ERC1: variants seen among roughly 807,000 people sequenced by gnomAD.
The protein encoded by ERC1 is RAB6 interacting protein 2.
A neutral mutation model predicts 132.0 loss-of-function variants in ERC1; 56 were observed. The observed-to-expected ratio is 0.42, with a 90% CI of 0.34 to 0.53. ERC1 has a LOEUF of 0.53. Ranked by LOEUF, ERC1 falls within the 20% of genes least tolerant of loss-of-function variation. The pLI, the probability that ERC1 is intolerant of heterozygous loss-of-function variation, is 0.03. For synonymous variants in ERC1, 478 were observed against 476.1 expected, an observed-to-expected ratio of 1.00 and a Z score of -0.05; for missense variants, 1,202 against 1,349.9, an observed-to-expected ratio of 0.89 and a Z score of 1.72.
intron 12 of ERC1, among the ~76,000 whole-genome samples, chr12:1,205,121 AT>A (rs1957239052): frequency 6.6e-6 from 1 of 152,176 alleles, no homozygotes; most frequent in African/African-American, 2.4e-5. Context: ...GAGATTTATT[AT>A]TTTGATTTTT....
At chr12:1,345,837 A>T (rs941956736) in intron 15 of ERC1, among the ~76,000 whole-genome samples, 1 of 152,082 alleles carries the variant, frequency 6.6e-6, no homozygotes, top group South Asian at 2.1e-4. Context: ...TCACTTGACT[A>T]TTTCAGGAAA....
rs911189702 is a variant in ERC1 at position 1,101,466 on chromosome 12, C to A, written c.1087-3284C>A. 5.3e-5 allele frequency among the ~76,000 whole-genome samples: 8 copies of A among 152,216 alleles called. No homozygotes were observed. The South Asian group carries it at 1.0e-3, about 20-fold the overall frequency. On this transcript the variant is annotated intron_variant, in intron 3 of 18. Coordinates refer to ENST00000360905, the MANE Select transcript of ERC1 (RefSeq NM_178040.4). ...TCTGGAAGCCTGAGGTAGCTGCTGCCTCTGCCACCCACTGCTGGAATTGTC... is the reference window on the plus strand; with the variant it reads ...TCTGGAAGCCTGAGGTAGCTGCTGCATCTGCCACCCACTGCTGGAATTGTC...
At chr12:1,319,895 G>T (rs762453626) in intron 15 of ERC1, among the ~76,000 whole-genome samples, 6 of 152,114 alleles carry the variant, frequency 3.9e-5, no homozygotes, top group Non-Finnish European at 8.8e-5. Flanking sequence ...TAGAATACTT[G>T]TGTGTGTGTT....
chr12:1,183,177 A>C, intron 10 of ERC1, 104 bp from the exon 11 acceptor site: 3 of 637,654 alleles, frequency 4.7e-6, no homozygotes, highest in Non-Finnish European at 7.4e-6. Context: ...GTATGTCAGC[A>C]TTTGGTAATA....
chr12:1,226,354 T>C (rs2154297716), intron 12 of ERC1, among the ~76,000 whole-genome samples: 1 of 152,332 alleles, frequency 6.6e-6, no homozygotes, highest in East Asian at 1.9e-4. Flanking sequence ...CATGTATACA[T>C]TGTGAAGGAT....
At chr12:998,292 C>T (rs1186579716) in intron 1 of ERC1, 1 of 152,174 alleles carries the variant, frequency 6.6e-6, no homozygotes, top group East Asian at 1.9e-4. Flanking sequence ...ACAAATTACC[C>T]CCTAACTTAA....
intron 12 of ERC1, among the ~76,000 whole-genome samples, chr12:1,209,831 T>A (rs969713191): frequency 6.6e-6 from 1 of 152,220 alleles, no homozygotes; most frequent in African/African-American, 2.4e-5. Context: ...TTTTAAAAAA[T>A]TCACAAACAT....
At chr12:1,264,346 C>T (rs1266954571) in intron 14 of ERC1, among the ~76,000 whole-genome samples, 2 of 152,122 alleles carry the variant, frequency 1.3e-5, no homozygotes, top group Non-Finnish European at 2.9e-5. Context: ...ATCCCAGCTC[C>T]CATTATGAGA....
chr12:1,290,031 A>G lies in ERC1; in HGVS notation c.2780+19A>G. 1.9e-6 allele frequency: 3 copies of G among 1,609,064 alleles called. No homozygotes were observed. The highest frequency in any genetic ancestry group is 2.6e-6 in the Non-Finnish European group (3 of 1,175,616). ...AGATGAAGTAAGTGTTTGTAGTCTT[A>G]TTCTTCAAGCATATGCTTAGTGGAA... On this transcript the variant is annotated intron_variant, in intron 15 of 18. Transcript: ENST00000360905.
Position 1,037,004 on chromosome 12 carries a change from GAACTAT to G in ERC1, c.669+8433_669+8438del, listed in dbSNP as rs746847420. On this transcript the variant is annotated intron_variant, in intron 2 of 18. Transcript: ENST00000360905. ...GTACATGTATGGCTTACAGAAATTT[GAACTAT>G]GCATTTATCAGGTCTTGATCATAGG... 9.8e-4 allele frequency among the ~76,000 whole-genome samples: 150 copies of G among 152,300 alleles called. No individual in the cohort carries two copies. In the Middle Eastern group the frequency reaches 0.01, roughly 10 times the overall value.
chr12:1,082,277 C>T (rs566349597), intron 2 of ERC1, among the ~76,000 whole-genome samples: 49 of 151,892 alleles, frequency 3.2e-4, no homozygotes, highest in African/African-American at 1.1e-3. Context: ...GTGCCCGACT[C>T]GGCCTCCCAA....
intron 3 of ERC1, among the ~76,000 whole-genome samples, chr12:1,097,637 T>A (rs1944203925): frequency 2.0e-5 from 3 of 152,144 alleles, no homozygotes; most frequent in Admixed American, 2.0e-4. Context: ...GGCCAAAGAC[T>A]CAAGGGGACC....
chr12:1,274,687 T>C (rs1054089032), intron 14 of ERC1, among the ~76,000 whole-genome samples: 4 of 152,134 alleles, frequency 2.6e-5, no homozygotes, highest in Non-Finnish European at 4.4e-5. Flanking sequence ...GAGATGGGAT[T>C]CCAGCATGTT....
At chr12:1,312,129 A>G (rs575126998) in intron 15 of ERC1, among the ~76,000 whole-genome samples, 19 of 152,186 alleles carry the variant, frequency 1.2e-4, no homozygotes, top group Admixed American at 2.0e-4. Context: ...ATCAACAGCT[A>G]CAGGAGTAAG....
intron 2 of ERC1, among the ~76,000 whole-genome samples, chr12:1,029,371 T>C (rs979013676): frequency 6.6e-6 from 1 of 152,128 alleles, no homozygotes; most frequent in Non-Finnish European, 1.5e-5. Flanking sequence ...TTAATGTTGA[T>C]GATGTATTTA....
At chr12:1,179,937 G>T (rs1368870482) in intron 8 of ERC1, among the ~76,000 whole-genome samples, 1 of 152,210 alleles carries the variant, frequency 6.6e-6, no homozygotes, top group African/African-American at 2.4e-5. Flanking sequence ...GATAAAAGAT[G>T]ATATAAGTAA....
chr12:1,188,483 C>T (rs778553769), intron 11 of ERC1, among the ~76,000 whole-genome samples: 1 of 152,176 alleles, frequency 6.6e-6, no homozygotes, highest in Non-Finnish European at 1.5e-5. Flanking sequence ...TGATTTTAGA[C>T]ATTGGACAAC....
chr12:1,004,386 T>C lies in ERC1; in HGVS notation c.-157+13064T>C, dbSNP rs1462771370. 2.0e-5 allele frequency among the ~76,000 whole-genome samples: 3 copies of C among 151,184 alleles called. No homozygotes were observed. The East Asian group carries it at 5.8e-4, about 29-fold the overall frequency. On this transcript the variant is annotated intron_variant, in intron 1 of 18. Transcript: ENST00000360905. ...ATTTCTGCTGGTTAATAAATTTCTTTCTTTTTTTCTTTCTCTTTTTTTTTT... is the reference window on the plus strand; with the variant it reads ...ATTTCTGCTGGTTAATAAATTTCTTCCTTTTTTTCTTTCTCTTTTTTTTTT...
chr12:1,145,545 C>T (rs1411317558), intron 8 of ERC1, among the ~76,000 whole-genome samples: 4 of 152,094 alleles, frequency 2.6e-5, no homozygotes, highest in African/African-American at 9.7e-5. Flanking sequence ...ACTCTTCTGA[C>T]TATTTCTTTT....
Sources: allele counts gnomAD v4.1 joint callset (sites outside exome capture counted in the v4.1 genomes callset), GRCh38; gene constraint gnomAD v4.1.1; transcripts MANE v1.5; gene names NCBI Gene and HGNC (gene_info 2026-07-23, HGNC 2026-07-21).